Variants in OCA2 observed in about 807,000 individuals in gnomAD.
OCA2 encodes the protein P protein.
A neutral mutation model predicts 100.2 loss-of-function variants in OCA2; 77 were observed. The observed-to-expected ratio is 0.77, with a 90% CI of 0.64 to 0.93. OCA2 has a LOEUF of 0.93. Ranked by LOEUF, OCA2 falls within the 40% of genes least tolerant of loss-of-function variation. OCA2 has a pLI of 0.00. For missense variants in OCA2, 1,062 were observed against 1,089.1 expected, an observed-to-expected ratio of 0.98 and a Z score of 0.35; for synonymous variants, 432 against 439.2, an observed-to-expected ratio of 0.98 and a Z score of 0.21.
intron 9 of OCA2, among the ~76,000 whole-genome samples, chr15:27,993,256 C>T (rs959604466): frequency 1.3e-5 from 2 of 152,208 alleles, no homozygotes; most frequent in African/African-American, 2.4e-5. Flanking sequence ...GCTCTACACA[C>T]ACCATCTGCA....
At chr15:28,076,065 G>A (rs984846641) in intron 2 of OCA2, among the ~76,000 whole-genome samples, 1 of 152,176 alleles carries the variant, frequency 6.6e-6, no homozygotes, top group African/African-American at 2.4e-5. Context: ...CAACAGCACT[G>A]ATAGTGTTTA....
At chr15:27,801,070 A>G (rs938231617) in intron 23 of OCA2, among the ~76,000 whole-genome samples, 2 of 152,194 alleles carry the variant, frequency 1.3e-5, no homozygotes, top group African/African-American at 4.8e-5. Flanking sequence ...TAAGGTTGAA[A>G]TTATAGTAAT....
At chr15:28,032,311 A>G in intron 2 of OCA2, 148 bp from the exon 3 acceptor site, 1 of 711,082 alleles carries the variant, frequency 1.4e-6, no homozygotes. Flanking sequence ...TGAATTGTAA[A>G]AGGCTGAAGT....
At chr15:28,048,642 T>G (rs7163354) in intron 2 of OCA2, among the ~76,000 whole-genome samples, 3 of 151,904 alleles carry the variant, frequency 2.0e-5, no homozygotes, top group Non-Finnish European at 4.4e-5. Context: ...AGCACCAAAA[T>G]CCCAAGCAAT....
At chr15:28,021,706 C>G (rs1430106663) in intron 6 of OCA2, among the ~76,000 whole-genome samples, 1 of 152,212 alleles carries the variant, frequency 6.6e-6, no homozygotes, top group East Asian at 1.9e-4. Context: ...CCCGCTGCCT[C>G]TATCTCCCCT....
At chr15:27,843,812 G>T (rs961104220) in intron 23 of OCA2, among the ~76,000 whole-genome samples, 2 of 152,182 alleles carry the variant, frequency 1.3e-5, no homozygotes, top group Middle Eastern at 3.2e-3. Context: ...CCTCACCTGG[G>T]TATGATGGCC....
At chr15:27,887,036 C>T (rs1416854533) in intron 19 of OCA2, among the ~76,000 whole-genome samples, 1 of 152,148 alleles carries the variant, frequency 6.6e-6, no homozygotes, top group Non-Finnish European at 1.5e-5. Flanking sequence ...GTGAATAAGT[C>T]TCACGAGACC....
chr15:27,765,012 G>T (rs2031145400), intron 23 of OCA2, among the ~76,000 whole-genome samples: 2 of 152,174 alleles, frequency 1.3e-5, no homozygotes, highest in African/African-American at 4.8e-5. Flanking sequence ...CAGGAAAGGG[G>T]TGGGCAATTC....
chr15:27,860,767 G>T (rs1273841835), intron 21 of OCA2, among the ~76,000 whole-genome samples: 1 of 152,176 alleles, frequency 6.6e-6, no homozygotes, highest in Non-Finnish European at 1.5e-5. Context: ...ACACGCAAGG[G>T]CACATGTCTT....
At chr15:27,831,063 G>A (rs906307546) in intron 23 of OCA2, among the ~76,000 whole-genome samples, 3 of 152,006 alleles carry the variant, frequency 2.0e-5, no homozygotes, top group Non-Finnish European at 4.4e-5. Context: ...CAAGGCAGGC[G>A]GACCACGAGG....
At position 27,959,413 on chromosome 15, in the gene OCA2, C is replaced by T. The variant is rs947093527; in HGVS notation, c.1637-1678G>A. ...AAACTAATGAACTCACTCTCTGAAA[C>T]ACTGAACACAAAAACACCATCTGTG... On this transcript the variant is annotated intron_variant, in intron 15 of 23. Transcript: ENST00000354638. 2.6e-5 allele frequency among the ~76,000 whole-genome samples: 4 copies of T among 152,318 alleles called. No individual in the cohort carries two copies. The South Asian group carries it at 6.2e-4, about 24-fold the overall frequency.
intron 18 of OCA2, among the ~76,000 whole-genome samples, chr15:27,945,723 C>T (rs950333744): frequency 6.6e-5 from 10 of 152,094 alleles, no homozygotes; most frequent in African/African-American, 2.4e-4. Flanking sequence ...ATTTCAAAAC[C>T]ATAATCAGGG....
the OCA2 span, among the ~76,000 whole-genome samples, chr15:27,725,419 T>C: frequency 6.6e-6 from 1 of 151,998 alleles, no homozygotes; most frequent in Non-Finnish European, 1.5e-5. Flanking sequence ...TCTACAAAAA[T>C]TAGCTGAGCA....
At chr15:27,969,682 C>T (rs1205784730) in intron 14 of OCA2, among the ~76,000 whole-genome samples, 8 of 152,126 alleles carry the variant, frequency 5.3e-5, no homozygotes, top group African/African-American at 1.7e-4. Flanking sequence ...ATATTAGGCA[C>T]GTAAACCAAA....
chr15:27,764,261 G>C (rs1219680187), intron 23 of OCA2, among the ~76,000 whole-genome samples: 1 of 151,858 alleles, frequency 6.6e-6, no homozygotes, highest in African/African-American at 2.4e-5. Flanking sequence ...AGGAGGGGGA[G>C]GAGATTGGCA....
chr15:27,805,545 C>CAT (rs2033801608), intron 23 of OCA2, among the ~76,000 whole-genome samples: 1 of 152,172 alleles, frequency 6.6e-6, no homozygotes, highest in African/African-American at 2.4e-5. Context: ...TGGAGCCGCT[C>CAT]GCCCAGGATG....
At chr15:27,753,662 G>A (rs1445020089), downstream of OCA2, among the ~76,000 whole-genome samples, 7 of 152,054 alleles carry the variant, frequency 4.6e-5, no homozygotes, top group East Asian at 1.9e-4. Context: ...GCGTGAACCC[G>A]GGAGGCGGAG....
intron 22 of OCA2, among the ~76,000 whole-genome samples, chr15:27,845,876 G>A (rs76257860): frequency 0.21 from 32,214 of 152,138 alleles, 4,205 homozygotes; most frequent in East Asian, 0.56. Context: ...CCCTGGAGCT[G>A]CCTACAGCAT....
chr15:27,921,444 T>C (rs1034107091), intron 19 of OCA2, among the ~76,000 whole-genome samples: 3 of 152,136 alleles, frequency 2.0e-5, no homozygotes, highest in Non-Finnish European at 2.9e-5. Context: ...CAAGATCTAC[T>C]AAAGGAAATT....
Sources: gnomAD v4.1 joint callset for allele counts (sites outside exome capture counted in the v4.1 genomes callset) on GRCh38, gnomAD v4.1.1 for gene constraint, MANE v1.5 for transcripts, NCBI Gene and HGNC (gene_info 2026-07-23, HGNC 2026-07-21) for gene names.